Variants in AKAP13 observed in about 807,000 individuals in gnomAD.
AKAP13 encodes A-kinase anchor protein 13.
In AKAP13, 80 loss-of-function variants were observed where a neutral mutation model predicts 264.5. The ratio of observed to expected loss-of-function variants is 0.30; its 90% CI spans 0.25 to 0.36. The LOEUF is 0.36. Ranked by LOEUF, AKAP13 falls within the 10% of genes least tolerant of loss-of-function variation. AKAP13 has a pLI of 1.00. For synonymous variants in AKAP13, 1,380 were observed against 1,250.2 expected, an observed-to-expected ratio of 1.10 and a Z score of -2.19; for missense variants, 3,712 against 3,435.2, an observed-to-expected ratio of 1.08 and a Z score of -2.01.
intron 1 of AKAP13, among the ~76,000 whole-genome samples, chr15:85,396,394 T>C (rs569468050): frequency 6.6e-6 from 1 of 152,156 alleles, no homozygotes; most frequent in Non-Finnish European, 1.5e-5. Context: ...AAAAACAAAA[T>C]TATGATTGTA....
At chr15:85,447,040 C>T (rs1349968511) in intron 1 of AKAP13, among the ~76,000 whole-genome samples, 3 of 152,014 alleles carry the variant, frequency 2.0e-5, no homozygotes, top group Non-Finnish European at 4.4e-5. Flanking sequence ...AGGCCGAGGC[C>T]AGGAGATCAC....
At chr15:85,578,434 G>A (rs1341495552) in intron 6 of AKAP13, among the ~76,000 whole-genome samples, 1 of 152,110 alleles carries the variant, frequency 6.6e-6, no homozygotes, top group South Asian at 2.1e-4. Context: ...TGCAACCTCC[G>A]CCTCCCGGGT....
chr15:85,498,474 T>C (rs1426508288), intron 2 of AKAP13, among the ~76,000 whole-genome samples: 4 of 152,066 alleles, frequency 2.6e-5, no homozygotes, highest in Non-Finnish European at 5.9e-5. Flanking sequence ...ATTTTATAGA[T>C]GAACGAACAT....
chr15:85,690,776 A>T (rs1006316380), intron 16 of AKAP13, among the ~76,000 whole-genome samples: 3 of 152,228 alleles, frequency 2.0e-5, no homozygotes, highest in Non-Finnish European at 4.4e-5. Flanking sequence ...CTGGCAGCAT[A>T]GTGCAGTGTA....
At chr15:85,570,075 CAAAAA>C (rs141206000) in intron 5 of AKAP13, among the ~76,000 whole-genome samples, 1 of 83,518 alleles carries the variant, frequency 1.2e-5, no homozygotes, top group African/African-American at 4.9e-5. Context: ...GACTCCGTCT[CAAAAA>C]AAAAAAAAAA....
At chr15:85,549,812 G>C (rs2077890128) in intron 5 of AKAP13, among the ~76,000 whole-genome samples, 2 of 152,148 alleles carry the variant, frequency 1.3e-5, no homozygotes, top group Non-Finnish European at 1.5e-5. Context: ...AGGAAAACAA[G>C]GTTCTTACTA....
At chr15:85,471,129 A>G (rs1184738867) in intron 1 of AKAP13, among the ~76,000 whole-genome samples, 1 of 152,218 alleles carries the variant, frequency 6.6e-6, no homozygotes, top group Non-Finnish European at 1.5e-5. Flanking sequence ...GGTGTTCAAC[A>G]CAATGACACA....
chr15:85,453,162 T>C (rs2074153100), intron 1 of AKAP13, among the ~76,000 whole-genome samples: 1 of 152,154 alleles, frequency 6.6e-6, no homozygotes, highest in South Asian at 2.1e-4. Context: ...TCTTTGCTCC[T>C]TCATCAGACC....
intron 17 of AKAP13, among the ~76,000 whole-genome samples, chr15:85,696,486 T>C (rs2085572897): frequency 6.6e-6 from 1 of 152,214 alleles, no homozygotes; most frequent in South Asian, 2.1e-4. Context: ...AGGAGTCATT[T>C]TAAATAAGAG....
At chr15:85,395,591 A>G (rs1479554537) in intron 1 of AKAP13, among the ~76,000 whole-genome samples, 1 of 152,120 alleles carries the variant, frequency 6.6e-6, no homozygotes, top group South Asian at 2.1e-4. Context: ...GGCAGTGTTT[A>G]TTTATCTTTT....
rs996631238 is a variant in AKAP13 at position 85,746,711 on chromosome 15, A to T, written c.*2034A>T. On this transcript the variant is annotated 3_prime_UTR_variant, in exon 37 of 37. Coordinates refer to ENST00000394518, the MANE Select transcript of AKAP13 (RefSeq NM_007200.5). ...TTTGTACAACTCCAAGTTACAGCTG[A>T]ATCTGTCGTGACTTTCCTGAGATCT... 1.8e-4 allele frequency: 27 copies of T among 150,290 alleles called. No individual in the cohort carries two copies. Among genetic ancestry groups the T allele is most frequent in the African/African-American group, 6.2e-4 (25 of 40,532 alleles). The allele number at this position is 150,290 out of a possible 1,614,324, so 9.3% of individuals were successfully genotyped here.
intron 1 of AKAP13, among the ~76,000 whole-genome samples, chr15:85,449,464 G>A (rs1213245157): frequency 6.6e-6 from 1 of 152,134 alleles, no homozygotes; most frequent in Non-Finnish European, 1.5e-5. Context: ...CCAATACTAT[G>A]TTGAATAGAA....
intron 3 of AKAP13, among the ~76,000 whole-genome samples, chr15:85,531,149 C>T (rs7170251): frequency 0.11 from 16,469 of 152,234 alleles, 1,205 homozygotes; most frequent in Non-Finnish European, 0.16. Context: ...CATGAGTCAT[C>T]GCGCCTGGCC....
At chr15:85,382,105 C>T (rs1343553451) in intron 1 of AKAP13, 1 of 152,230 alleles carries the variant, frequency 6.6e-6, no homozygotes, top group Non-Finnish European at 1.5e-5. Flanking sequence ...ATTATATGAA[C>T]ATGATTCTGT....
intron 14 of AKAP13, among the ~76,000 whole-genome samples, chr15:85,677,299 C>T (rs771474029): frequency 3.9e-5 from 6 of 152,176 alleles, no homozygotes; most frequent in Non-Finnish European, 8.8e-5. Flanking sequence ...AGTACTAACG[C>T]TGAGCTACTG....
chr15:85,575,704 A>G (rs2078985845), intron 6 of AKAP13, among the ~76,000 whole-genome samples: 1 of 151,998 alleles, frequency 6.6e-6, no homozygotes, highest in Non-Finnish European at 1.5e-5. Context: ...AAAAAAAAAA[A>G]CTTTCCTGGC....
At chr15:85,594,680 G>A (rs574982824) in intron 8 of AKAP13, among the ~76,000 whole-genome samples, 5 of 152,272 alleles carry the variant, frequency 3.3e-5, no homozygotes, top group South Asian at 4.1e-4. Flanking sequence ...GTTTTTGCCT[G>A]TAAAAGAGAA....
At chr15:85,664,346 G>A (rs746405489) in intron 12 of AKAP13, among the ~76,000 whole-genome samples, 1 of 152,108 alleles carries the variant, frequency 6.6e-6, no homozygotes, top group South Asian at 2.1e-4. Flanking sequence ...AATTTAATGC[G>A]GTAAGAAAAT....
intron 5 of AKAP13, 157 bp downstream of exon 5, chr15:85,544,112 C>A: frequency 1.2e-6 from 1 of 834,500 alleles, no homozygotes; most frequent in Non-Finnish European, 2.0e-6. Context: ...AAGCTTGCTC[C>A]TGCTAACCAC....
Sources: gnomAD v4.1 joint callset for allele counts (sites outside exome capture counted in the v4.1 genomes callset) on GRCh38, gnomAD v4.1.1 for gene constraint, MANE v1.5 for transcripts, NCBI Gene and HGNC (gene_info 2026-07-23, HGNC 2026-07-21) for gene names.